Variants in FERRY3 observed in about 807,000 individuals in gnomAD.
FERRY3 encodes the protein FERRY endosomal RAB5 effector complex subunit 3, also known as protein C12orf4.
chr12:4,534,331 C>A, the FERRY3 span: 1 of 1,565,146 alleles, frequency 6.4e-7, no homozygotes, highest in Non-Finnish European at 8.6e-7. Flanking sequence ...ACACCATCGT[C>A]AGCAAAATCC....
the FERRY3 span, among the ~76,000 whole-genome samples, chr12:4,509,778 T>A: frequency 3.6e-5 from 5 of 139,486 alleles, no homozygotes; most frequent in Non-Finnish European, 7.6e-5. Flanking sequence ...CAAAAGTAGA[T>A]AAAACCACAA....
the FERRY3 span, among the ~76,000 whole-genome samples, chr12:4,505,940 A>G: frequency 6.6e-6 from 1 of 152,172 alleles, no homozygotes; most frequent in Non-Finnish European, 1.5e-5. Context: ...TTCTTACCTG[A>G]CGCTATATAC....
the FERRY3 span, among the ~76,000 whole-genome samples, chr12:4,514,081 A>G: frequency 9.3e-5 from 14 of 151,298 alleles, no homozygotes; most frequent in Admixed American, 1.3e-4. Context: ...AAAAGTGGGC[A>G]AAGGACATGA....
At chr12:4,528,186 G>A in the FERRY3 span, among the ~76,000 whole-genome samples, 3 of 152,060 alleles carry the variant, frequency 2.0e-5, no homozygotes, top group African/African-American at 2.4e-5. Context: ...GGCAGAATGA[G>A]TATAGTCACA....
chr12:4,491,051 C>T, the FERRY3 span: 2 of 795,664 alleles, frequency 2.5e-6, no homozygotes, highest in Non-Finnish European at 4.2e-6. Flanking sequence ...TATTTGCTTG[C>T]TAAACTATCT....
At chr12:4,532,896 A>G in the FERRY3 span, among the ~76,000 whole-genome samples, 1 of 152,170 alleles carries the variant, frequency 6.6e-6, no homozygotes, top group South Asian at 2.1e-4. Context: ...CTATGCCTGC[A>G]GTCGGGCTTT....
the FERRY3 span, among the ~76,000 whole-genome samples, chr12:4,534,793 T>C: frequency 6.6e-6 from 1 of 152,206 alleles, no homozygotes; most frequent in African/African-American, 2.4e-5. Flanking sequence ...AATTTCATGA[T>C]TATTTTCCTT....
At chr12:4,512,714 T>C in the FERRY3 span, among the ~76,000 whole-genome samples, 1 of 78,138 alleles carries the variant, frequency 1.3e-5, no homozygotes. Context: ...AAACTCTCAA[T>C]AAATTAGGTA....
At chr12:4,500,429 C>G in the FERRY3 span, 4 of 1,168,614 alleles carry the variant, frequency 3.4e-6, no homozygotes, top group East Asian at 5.0e-5. Context: ...AATGGGCAAT[C>G]AATGTGTTGA....
the FERRY3 span, among the ~76,000 whole-genome samples, chr12:4,509,944 T>C: frequency 7.2e-6 from 1 of 139,116 alleles, no homozygotes; most frequent in Non-Finnish European, 1.5e-5. Flanking sequence ...ATCAAATTAC[T>C]CTGAGCTACG....
At chr12:4,520,543 C>T in the FERRY3 span, among the ~76,000 whole-genome samples, 3 of 152,166 alleles carry the variant, frequency 2.0e-5, no homozygotes, top group Non-Finnish European at 2.9e-5. Flanking sequence ...TCCTGGACCC[C>T]CAAGTGCCGT....
the FERRY3 span, among the ~76,000 whole-genome samples, chr12:4,536,762 A>G: frequency 6.6e-6 from 1 of 152,168 alleles, no homozygotes; most frequent in African/African-American, 2.4e-5. Context: ...CCACACCCCA[A>G]AGGCAAACTA....
At chr12:4,518,958 A>C in the FERRY3 span, 455 of 898,688 alleles carry the variant, frequency 5.1e-4, 2 homozygotes, top group African/African-American at 3.9e-3. Flanking sequence ...TAATGAGAGA[A>C]AACTGAACAG....
At chr12:4,492,025 G>GCAA in the FERRY3 span, among the ~76,000 whole-genome samples, 17 of 152,054 alleles carry the variant, frequency 1.1e-4, no homozygotes, top group Non-Finnish European at 2.2e-4. Flanking sequence ...GTCCACCTGG[G>GCAA]CAACAGAGTG....
the FERRY3 span, chr12:4,536,006 A>T: frequency 6.6e-7 from 1 of 1,518,032 alleles, no homozygotes. Context: ...AAAAAAAAAA[A>T]CAGTCCTCAC....
chr12:4,514,426 G>T, the FERRY3 span, among the ~76,000 whole-genome samples: 2 of 152,076 alleles, frequency 1.3e-5, no homozygotes, highest in Non-Finnish European at 2.9e-5. Context: ...AAATCATGCT[G>T]CTATAAAGAC....
chr12:4,489,715 T>C, the FERRY3 span: 4 of 903,602 alleles, frequency 4.4e-6, no homozygotes, highest in East Asian at 1.0e-4. Context: ...GTTCTCTTTC[T>C]GGGCATCTTT....
chr12:4,502,607 T>C, the FERRY3 span: 1 of 325,918 alleles, frequency 3.1e-6, no homozygotes, highest in South Asian at 2.4e-5. The surrounding 1 kb of genome is among the most constrained non-coding windows in gnomAD (Gnocchi z 4.2). Flanking sequence ...TCTTCCACTC[T>C]TAACCTTTGC....
the FERRY3 span, among the ~76,000 whole-genome samples, chr12:4,494,662 T>C: frequency 6.6e-6 from 1 of 152,256 alleles, no homozygotes; most frequent in Non-Finnish European, 1.5e-5. Context: ...GTCTGGATGC[T>C]TTATTCTGTT....
Sources: gnomAD v4.1 joint callset for allele counts (sites outside exome capture counted in the v4.1 genomes callset) on GRCh38, gnomAD v4.1.1 for gene constraint, Gnocchi (gnomAD v3.1) non-coding constraint, MANE v1.5 for transcripts, NCBI Gene and HGNC (gene_info 2026-07-23, HGNC 2026-07-21) for gene names.